ABCA1: variants seen among roughly 807,000 people sequenced by gnomAD.
ABCA1 encodes the protein phospholipid-transporting ATPase ABCA1.
A neutral mutation model predicts 262.5 loss-of-function variants in ABCA1; 133 were observed. The observed-to-expected ratio is 0.51, with a 90% CI of 0.44 to 0.59. ABCA1 has a LOEUF of 0.59. Ranked by LOEUF, ABCA1 falls within the 20% of genes least tolerant of loss-of-function variation. The pLI is 0.00. For missense variants in ABCA1, 2,452 were observed against 2,777.5 expected (o/e 0.88, Z 2.63); for synonymous variants, 1,022 against 1,043.5 (o/e 0.98, Z 0.40).
chr9:104,847,421 C>T (rs1834991386), intron 7 of ABCA1, among the ~76,000 whole-genome samples: 1 of 152,244 alleles, frequency 6.6e-6, no homozygotes, highest in Non-Finnish European at 1.5e-5. Context: ...AAGCCCCTCG[C>T]ACAGTGCCTG....
At chr9:104,856,374 C>T (rs1835839780) in intron 7 of ABCA1, among the ~76,000 whole-genome samples, 1 of 152,150 alleles carries the variant, frequency 6.6e-6, no homozygotes, top group African/African-American at 2.4e-5. Flanking sequence ...GAGTGCTCCA[C>T]AAACCCGAGA....
chr9:104,785,534 T>C lies in ABCA1; in HGVS notation c.6507A>G (p.Lys2169=), dbSNP rs1333421629. 1 of 1,614,142 alleles carries C rather than the reference T, an allele frequency of 6.2e-7. No homozygotes were observed. Among genetic ancestry groups the C allele is most frequent in the Non-Finnish European group, 8.5e-7 (1 of 1,179,990 alleles). Residue 2169 remains lysine (K), a synonymous_variant, in exon 49 of 50, where the codon AAA becomes AAG. Transcript: ENST00000374736. ...ATTGTAGCATGTTCCGGTGTTTCTC[T>C]TTTAGAACACTTCCAGGAAATGCAA... ...FGLAFPGSVL[K]EKHRNMLQYQ... is the part of the protein sequence containing the mutation.
chr9:104,862,264 T>C (rs923520562), intron 5 of ABCA1, among the ~76,000 whole-genome samples: 5 of 151,018 alleles, frequency 3.3e-5, no homozygotes, highest in Admixed American at 6.6e-5. Context: ...TCACCATGAC[T>C]GGCAAATTTT....
intron 44 of ABCA1, among the ~76,000 whole-genome samples, chr9:104,790,590 T>A (rs186837810): frequency 6.0e-4 from 92 of 152,316 alleles, no homozygotes; most frequent in African/African-American, 2.0e-3. Context: ...GGAAAAGTTC[T>A]AAAACTGGAT....
intron 5 of ABCA1, among the ~76,000 whole-genome samples, chr9:104,877,532 C>T (rs1308838601): frequency 6.6e-6 from 1 of 152,258 alleles, no homozygotes; most frequent in African/African-American, 2.4e-5. Context: ...AAGAAAGTTC[C>T]AATTTCAAGG....
rs1839746185 is a variant in ABCA1, at chr9:104,891,550, C to T, written c.67-2355G>A. On this transcript the variant is annotated intron_variant, in intron 2 of 49. Coordinates refer to ENST00000374736, the MANE Select transcript of ABCA1 (RefSeq NM_005502.4). ...GGCTAAGGCAGGAGAATCACTCGAA[C>T]CCAGAAGGCCTAGGTTGCAGTGAGC... Among the ~76,000 whole-genome samples the T allele has an allele frequency of 2.6e-5, 4 of 151,776 alleles. No individual in the cohort carries two copies. In the South Asian group the frequency reaches 8.3e-4, roughly 31 times the overall value.
chr9:104,874,762 C>T (rs1372924066), intron 5 of ABCA1, among the ~76,000 whole-genome samples: 3 of 144,836 alleles, frequency 2.1e-5, no homozygotes, highest in Non-Finnish European at 4.7e-5. Flanking sequence ...CCAGCCGCCC[C>T]GTCCGGGAGG....
intron 7 of ABCA1, among the ~76,000 whole-genome samples, chr9:104,846,998 G>A (rs191317763): frequency 6.6e-6 from 1 of 152,258 alleles, no homozygotes; most frequent in Admixed American, 6.5e-5. Context: ...AACACAAACT[G>A]AGAGATCTTA....
At chr9:104,906,020 C>A (rs566731996) in intron 1 of ABCA1, among the ~76,000 whole-genome samples, 6 of 152,164 alleles carry the variant, frequency 3.9e-5, no homozygotes, top group Non-Finnish European at 5.9e-5. Flanking sequence ...GTGGATTCAA[C>A]GAGATAATAT....
chr9:104,792,114 C>A, intron 42 of ABCA1, 116 bp from the exon 43 acceptor site: 1 of 948,208 alleles, frequency 1.1e-6, no homozygotes, highest in African/African-American at 1.6e-5. Flanking sequence ...TTGTCAATAA[C>A]CCTAAGCCAT....
chr9:104,896,739 T>A (rs1201337856), intron 2 of ABCA1, among the ~76,000 whole-genome samples: 3 of 93,234 alleles, frequency 3.2e-5, no homozygotes, highest in African/African-American at 1.0e-4. Context: ...TTTTTTTTTT[T>A]TTTTTTTTTC....
At chr9:104,845,448 C>T in intron 8 of ABCA1, 29 bp downstream of exon 8, 1 of 1,530,730 alleles carries the variant, frequency 6.5e-7, no homozygotes, top group South Asian at 1.1e-5. Context: ...GGATGATCCG[C>T]TTCCTGGTAC....
intron 9 of ABCA1, among the ~76,000 whole-genome samples, chr9:104,838,124 G>A (rs1833986503): frequency 6.6e-6 from 1 of 151,902 alleles, no homozygotes; most frequent in Non-Finnish European, 1.5e-5. Flanking sequence ...TTGGGAGTTC[G>A]AGACCAGCCT....
At chr9:104,854,373 C>G (rs1246276520) in intron 7 of ABCA1, among the ~76,000 whole-genome samples, 1 of 152,148 alleles carries the variant, frequency 6.6e-6, no homozygotes, top group South Asian at 2.1e-4. Context: ...GTGAGCTCTA[C>G]TGTATCCTGG....
chr9:104,816,041 A>G (rs375776568), intron 25 of ABCA1, 102 bp downstream of exon 25: 7 of 1,326,744 alleles, frequency 5.3e-6, no homozygotes, highest in Middle Eastern at 1.8e-4. Context: ...TAAAAACTCA[A>G]TGACTAACTC....
intron 31 of ABCA1, among the ~76,000 whole-genome samples, chr9:104,805,806 G>A (rs1451959987): frequency 1.3e-5 from 2 of 152,170 alleles, no homozygotes; most frequent in Admixed American, 6.5e-5. Flanking sequence ...CAAGAAGCGA[G>A]TTAAAGACTG....
chr9:104,824,328 G>C, intron 18 of ABCA1, 137 bp downstream of exon 18: 1 of 1,515,584 alleles, frequency 6.6e-7, no homozygotes, highest in Non-Finnish European at 8.9e-7. Context: ...TTTGGAAAGG[G>C]ACACTGCATG....
chr9:104,875,781 G>C (rs12350745), intron 5 of ABCA1, among the ~76,000 whole-genome samples: 8,494 of 152,198 alleles, frequency 0.056, 315 homozygotes, highest in African/African-American at 0.09. Flanking sequence ...AACCATGTAG[G>C]CTGTGCACTA....
intron 8 of ABCA1, among the ~76,000 whole-genome samples, chr9:104,842,990 T>C (rs916202122): frequency 3.9e-5 from 6 of 152,178 alleles, no homozygotes; most frequent in African/African-American, 1.4e-4. Flanking sequence ...TCAATGTCTT[T>C]GTATCTGCCA....
Sources: allele counts gnomAD v4.1 joint callset (sites outside exome capture counted in the v4.1 genomes callset), GRCh38; gene constraint gnomAD v4.1.1; transcripts MANE v1.5; gene names NCBI Gene and HGNC (gene_info 2026-07-23, HGNC 2026-07-21).